RTF2: variants seen among roughly 807,000 people sequenced by gnomAD.
The protein encoded by RTF2 is replication termination factor 2.
In RTF2, 18 loss-of-function variants were observed where a neutral mutation model predicts 38.0. The ratio of observed to expected loss-of-function variants is 0.47; its 90% CI spans 0.33 to 0.70. The LOEUF (loss-of-function observed/expected upper bound fraction) is 0.70, where lower values mean the gene tolerates loss of function less well. Among genes scored for constraint, RTF2 ranks in the 30% least tolerant of loss-of-function variants. The pLI, the probability that RTF2 is intolerant of heterozygous loss-of-function variation, is 0.02. For missense variants in RTF2, 311 were observed against 379.6 expected, an observed-to-expected ratio of 0.82 and a Z score of 1.50; for synonymous variants, 126 against 137.1, an observed-to-expected ratio of 0.92 and a Z score of 0.57.
Position 56,489,382 on chromosome 20 carries a change from C to T in RTF2, c.477+5193C>T, listed in dbSNP as rs528768907. On this transcript the variant is annotated intron_variant, in intron 5 of 8. Transcript: ENST00000357348. ...CCTGGCCATACTGAAATGATTTGTTCAGGACATGTCTTCATTATAGCATTA... is the reference window on the plus strand; with the variant it reads ...CCTGGCCATACTGAAATGATTTGTTTAGGACATGTCTTCATTATAGCATTA... 9.2e-5 allele frequency among the ~76,000 whole-genome samples: 14 copies of T among 152,126 alleles called. No homozygotes were observed. The East Asian group carries it at 2.7e-3, about 29-fold the overall frequency.
intron 5 of RTF2, among the ~76,000 whole-genome samples, chr20:56,510,098 G>T (rs1422176975): frequency 3.3e-5 from 5 of 152,172 alleles, no homozygotes; most frequent in Admixed American, 3.3e-4. Context: ...GAGGAAAGGG[G>T]AATGGAGTGA....
At chr20:56,478,582 A>C in intron 4 of RTF2, among the ~76,000 whole-genome samples, 1 of 152,216 alleles carries the variant, frequency 6.6e-6, no homozygotes, top group East Asian at 1.9e-4. Context: ...TTAATTAAAA[A>C]TTATTGCTAA....
intron 1 of RTF2, 86 bp downstream of exon 1, chr20:56,468,852 C>A: frequency 8.7e-7 from 1 of 1,147,788 alleles, no homozygotes; most frequent in Non-Finnish European, 1.3e-6. Flanking sequence ...GAAGGGGGAG[C>A]CAGCGGAGTT....
chr20:56,484,905 C>G (rs910928706), intron 5 of RTF2, among the ~76,000 whole-genome samples: 2 of 152,100 alleles, frequency 1.3e-5, no homozygotes, highest in African/African-American at 4.8e-5. Flanking sequence ...CTGTATCAAC[C>G]CTGTTTGTAT....
chr20:56,493,715 T>G (rs1983324838), intron 5 of RTF2, among the ~76,000 whole-genome samples: 1 of 149,890 alleles, frequency 6.7e-6, no homozygotes, highest in South Asian at 2.1e-4. Flanking sequence ...ACTTAGGACA[T>G]AAGTGAAAAG....
intron 5 of RTF2, chr20:56,496,981 G>A (rs1326302331): frequency 3.2e-6 from 5 of 1,551,638 alleles, no homozygotes; most frequent in African/African-American, 1.4e-5. Flanking sequence ...GTTTTGATGG[G>A]AAAATCCTGT....
At chr20:56,477,147 A>G (rs377061898) in intron 4 of RTF2, 23 bp downstream of exon 4, 28 of 1,610,854 alleles carry the variant, frequency 1.7e-5, no homozygotes, top group Non-Finnish European at 2.1e-5. Context: ...CCTGGGACAG[A>G]TGATGTGGGA....
At chr20:56,493,728 A>G (rs1230126573) in intron 5 of RTF2, among the ~76,000 whole-genome samples, 2 of 152,108 alleles carry the variant, frequency 1.3e-5, no homozygotes, top group South Asian at 2.1e-4. Flanking sequence ...GTGAAAAGCA[A>G]CTCAGCTACA....
In RTF2 at chr20:56,518,238, G is replaced by A. The variant is rs1985174904; in HGVS notation, c.894G>A (p.Trp298Ter). 6.2e-7 allele frequency: 1 copy of A among 1,613,612 alleles called. No homozygotes were observed. Reference sequence around the variant, plus strand: ...GCTCCAAGGAGGAGTCTGCCCACTGGGTCACCCACACGTCCTACTGCTTCT... The same window carrying A: ...GCTCCAAGGAGGAGTCTGCCCACTGAGTCACCCACACGTCCTACTGCTTCT... Reference protein sequence around the residue: ...AKRSKEESAHWVTHTSYCF With the variant: ...AKRSKEESAH Residue 298 changes from tryptophan to a stop codon, truncating the protein, a stop_gained, in exon 9 of 9, where the codon TGG (tryptophan) becomes TGA (stop). Coordinates refer to ENST00000357348, the MANE Select transcript of RTF2 (RefSeq NM_016407.5). LOFTEE classifies it high-confidence loss of function.
At chr20:56,495,351 T>C (rs1568701273) in intron 5 of RTF2, 2 of 1,324,028 alleles carry the variant, frequency 1.5e-6, no homozygotes, top group East Asian at 2.5e-5. Flanking sequence ...CCAGTTCTTT[T>C]AGTACAAGTT....
At chr20:56,491,915 A>G (rs1296830541) in intron 5 of RTF2, 3 of 645,364 alleles carry the variant, frequency 4.6e-6, no homozygotes, top group Admixed American at 2.8e-5. Flanking sequence ...ATCAAACAGC[A>G]TTTCCATGAT....
chr20:56,495,252 C>T (rs772661655), intron 5 of RTF2: 3 of 1,551,530 alleles, frequency 1.9e-6, no homozygotes, highest in Non-Finnish European at 2.6e-6. Flanking sequence ...CTTAATGGCT[C>T]GAACATTTCC....
chr20:56,492,970 G>C (rs951148888), intron 5 of RTF2, among the ~76,000 whole-genome samples: 2 of 152,114 alleles, frequency 1.3e-5, no homozygotes, highest in South Asian at 2.1e-4. Context: ...GAGGGCAGGA[G>C]ATCAAGACCA....
chr20:56,482,116 A>G (rs543016743), intron 4 of RTF2, among the ~76,000 whole-genome samples: 27 of 152,254 alleles, frequency 1.8e-4, no homozygotes, highest in African/African-American at 6.0e-4. Context: ...GACTTTGTCC[A>G]TCTGTTATTG....
rs140433879 is a variant in RTF2, at chr20:56,487,147, G to A, written c.477+2958G>A. 4.5e-4 allele frequency among the ~76,000 whole-genome samples: 68 copies of A among 152,222 alleles called. 2 individuals are homozygous for A. The East Asian group carries it at 0.012, about 26-fold the overall frequency. ...AGATGGGTGCACAGTTGTCCTTTGC[G>A]TTGGTTGGCCTAAAACAATCATACT... On this transcript the variant is annotated intron_variant, in intron 5 of 8. Transcript: ENST00000357348.
intron 5 of RTF2, among the ~76,000 whole-genome samples, chr20:56,511,336 A>G (rs1984656912): frequency 6.6e-6 from 1 of 151,942 alleles, no homozygotes; most frequent in African/African-American, 2.4e-5. Flanking sequence ...TGAACTGCGC[A>G]CGTGAGGGAT....
At chr20:56,480,114 C>G (rs1419303460) in intron 4 of RTF2, among the ~76,000 whole-genome samples, 1 of 152,126 alleles carries the variant, frequency 6.6e-6, no homozygotes, top group Non-Finnish European at 1.5e-5. Context: ...ATAGCATCTT[C>G]TTTCAACACA....
intron 1 of RTF2, among the ~76,000 whole-genome samples, chr20:56,470,196 T>C (rs1371902677): frequency 6.6e-6 from 1 of 152,248 alleles, no homozygotes; most frequent in Non-Finnish European, 1.5e-5. Context: ...GAATGCTGGA[T>C]AATTAGCATT....
Position 56,518,038 on chromosome 20 carries a change from G to A in RTF2, c.743-49G>A, listed in dbSNP as rs1368026525. 3 of 1,553,542 alleles carry A rather than the reference G, an allele frequency of 1.9e-6. No homozygotes were observed. The Admixed American group carries it at 5.7e-5, about 30-fold the overall frequency. On this transcript the variant is annotated intron_variant, in intron 8 of 8. Transcript: ENST00000357348. ...TTCCCTTCTGAGGATGCGAAGTTTA[G>A]AATCATCTTTATCCCAACCCTGACA...
Sources: gnomAD v4.1 joint callset for allele counts (sites outside exome capture counted in the v4.1 genomes callset) on GRCh38, gnomAD v4.1.1 for gene constraint, MANE v1.5 for transcripts, NCBI Gene and HGNC (gene_info 2026-07-23, HGNC 2026-07-21) for gene names.